The following PKHD1 variants were observed in gnomAD, a reference collection of about 807,000 sequenced individuals.
The protein encoded by PKHD1 is fibrocystin.
Under a neutral mutation model 412.0 loss-of-function variants are expected in PKHD1, and 291 were observed. The ratio of observed to expected loss-of-function variants is 0.71; its 90% confidence interval spans 0.64 to 0.78. The LOEUF is 0.78. Ranked by LOEUF, PKHD1 falls within the 30% of genes least tolerant of loss-of-function variation. The pLI is 0.00. For missense variants in PKHD1, 4,825 were observed against 4,950.7 expected (o/e 0.97, Z 0.76); for synonymous variants, 1,777 against 1,821.5 (o/e 0.98, Z 0.62).
intron 65 of PKHD1, among the ~76,000 whole-genome samples, chr6:51,630,598 C>T (rs1364706862): frequency 1.3e-5 from 2 of 152,054 alleles, no homozygotes; most frequent in Non-Finnish European, 2.9e-5. Context: ...AGATTCTCAA[C>T]AATTATTGAA....
At chr6:52,062,788 C>T in intron 13 of PKHD1, 128 bp from the exon 14 acceptor site, 1 of 1,074,098 alleles carries the variant, frequency 9.3e-7, no homozygotes, top group Admixed American at 1.8e-5. Flanking sequence ...AACCTAGAGC[C>T]AGATAGAGTA....
chr6:51,955,467 G>T (rs1034659835), intron 36 of PKHD1, among the ~76,000 whole-genome samples: 3 of 151,806 alleles, frequency 2.0e-5, no homozygotes, highest in Admixed American at 1.3e-4. Flanking sequence ...ATATGTGTAA[G>T]AAAAAAATGT....
intron 61 of PKHD1, among the ~76,000 whole-genome samples, chr6:51,652,052 T>C (rs1401105381): frequency 6.6e-6 from 1 of 152,170 alleles, no homozygotes. Flanking sequence ...AATTTCCAAC[T>C]GCTAATGTGA....
Position 51,881,482 on chromosome 6 carries a change from A to T in PKHD1, c.7350+1611T>A, listed in dbSNP as rs4715252. 4.8e-3 allele frequency among the ~76,000 whole-genome samples: 736 copies of T among 152,052 alleles called. 5 individuals carry two copies. Among genetic ancestry groups the T allele is most frequent in the Non-Finnish European group, 8.0e-3 (545 of 67,978 alleles). ...AAATAGAGGGTACGGTAAACAGCAC[A>T]GTATAAATATAATTATAACCAAATA... On this transcript the variant is annotated intron_variant, in intron 46 of 66. Transcript: ENST00000371117.
In PKHD1 at chr6:51,981,321, C is replaced by A. The variant is rs1008470971; in HGVS notation, c.5752-21295G>T. Among the ~76,000 whole-genome samples the A allele has an allele frequency of 5.8e-3, 94 of 16,276 alleles. 5 individuals carry two copies. Among genetic ancestry groups the A allele is most frequent in the African/African-American group, 0.015 (94 of 6,126 alleles). 10.7% of individuals were successfully genotyped at this position (16,276 alleles called of 152,430 possible). ...GCTCCAAAGCTCAAGCTCTCCCTCT[C>A]CCTCTCCCTCTCCCTCTCCCTCTCC... is the stretch of plus-strand genomic sequence containing the variant. On this transcript the variant is annotated intron_variant, in intron 35 of 66. Transcript: ENST00000371117.
At chr6:51,881,078 T>TC (rs1202668005) in intron 46 of PKHD1, among the ~76,000 whole-genome samples, 4 of 146,780 alleles carry the variant, frequency 2.7e-5, no homozygotes, top group Admixed American at 6.7e-5. Flanking sequence ...TTTCTTTCTT[T>TC]TTTTTTTTTT....
At chr6:51,829,653 C>T (rs1440727417) in intron 52 of PKHD1, among the ~76,000 whole-genome samples, 2 of 152,172 alleles carry the variant, frequency 1.3e-5, no homozygotes, top group African/African-American at 2.4e-5. Context: ...TCAGCCCACT[C>T]ACACCTGTCC....
intron 52 of PKHD1, among the ~76,000 whole-genome samples, chr6:51,808,512 TCACA>T (rs57879150): frequency 6.6e-6 from 1 of 151,160 alleles, no homozygotes; most frequent in Non-Finnish European, 1.5e-5. Context: ...AAAGAATCTC[TCACA>T]CACACACACA....
intron 33 of PKHD1, among the ~76,000 whole-genome samples, chr6:52,021,129 A>G (rs569395532): frequency 6.6e-6 from 1 of 152,214 alleles, no homozygotes; most frequent in Non-Finnish European, 1.5e-5. Flanking sequence ...CTCTAGAGTA[A>G]ATGTGTGCCT....
intron 43 of PKHD1, among the ~76,000 whole-genome samples, chr6:51,892,618 T>G (rs943719723): frequency 2.0e-5 from 3 of 152,172 alleles, no homozygotes; most frequent in African/African-American, 7.2e-5. Flanking sequence ...TAACCCACAC[T>G]CATTTTCCAG....
At chr6:51,922,883 C>A (rs9370081) in intron 37 of PKHD1, among the ~76,000 whole-genome samples, 56,676 of 151,952 alleles carry the variant, frequency 0.37, 11,433 homozygotes, top group East Asian at 0.75. Context: ...ATTCCACAAC[C>A]CCCTGCACTT....
At position 51,754,905 on chromosome 6, in the gene PKHD1, G is replaced by T; in HGVS notation, c.8676C>A (p.Pro2892=). The change falls in exon 56 of 67, where the codon CCC becomes CCA. Residue 2892 remains proline (P), a synonymous_variant. Coordinates refer to ENST00000371117, the MANE Select transcript of PKHD1 (RefSeq NM_138694.4). The part of the protein sequence containing the change: ...IIVEDAVDWR[P]HDKIVLSSSS... ...AGGAGCTAAGGACTATTTTGTCATGGGGGCGCCAATCCACTGCATCTTCTA... is the reference window on the plus strand; with the variant it reads ...AGGAGCTAAGGACTATTTTGTCATGTGGGCGCCAATCCACTGCATCTTCTA... 1 of 1,613,544 alleles carries T rather than the reference G, an allele frequency of 6.2e-7. No homozygotes were observed. The highest frequency in any genetic ancestry group is 1.1e-5 in the South Asian group (1 of 91,064).
intron 60 of PKHD1, chr6:51,721,876 A>T: frequency 6.3e-7 from 1 of 1,577,918 alleles, no homozygotes; most frequent in Non-Finnish European, 8.6e-7. Flanking sequence ...AACAATTGAA[A>T]CAGTGTCTTA....
chr6:51,906,126 A>AT, intron 41 of PKHD1, 89 bp downstream of exon 41: 1 of 1,085,226 alleles, frequency 9.2e-7, no homozygotes, highest in Non-Finnish European at 1.4e-6. Context: ...ATTTTTATAA[A>AT]TTAGGAATTA....
intron 36 of PKHD1, among the ~76,000 whole-genome samples, chr6:51,946,321 A>G (rs1209035402): frequency 1.3e-5 from 2 of 152,222 alleles, no homozygotes; most frequent in Non-Finnish European, 2.9e-5. Flanking sequence ...GGCAAATATA[A>G]GAAAATCTAG....
chr6:52,059,264 T>C (rs12200557), intron 15 of PKHD1, among the ~76,000 whole-genome samples: 71 of 130,714 alleles, frequency 5.4e-4, no homozygotes, highest in Middle Eastern at 3.7e-3. Context: ...TTTTTCTTTT[T>C]TTTTTTTTTT....
intron 37 of PKHD1, among the ~76,000 whole-genome samples, chr6:51,931,246 T>C (rs1014029202): frequency 6.6e-5 from 10 of 152,182 alleles, no homozygotes; most frequent in African/African-American, 2.2e-4. Context: ...CAAAAGGCTC[T>C]TCTGTGCGCC....
chr6:51,637,009 T>C (rs1768665176), intron 64 of PKHD1, among the ~76,000 whole-genome samples: 1 of 152,170 alleles, frequency 6.6e-6, no homozygotes, highest in Non-Finnish European at 1.5e-5. Flanking sequence ...AGGCTGTAAG[T>C]AGAAACTACA....
In PKHD1 at chr6:51,659,751, A is replaced by G; in HGVS notation, c.10375T>C (p.Phe3459Leu). 6.2e-7 allele frequency: 1 copy of G among 1,613,694 alleles called. No individual in the cohort carries two copies. Among genetic ancestry groups the G allele is most frequent in the South Asian group, 1.1e-5 (1 of 91,074 alleles). ...TGCCTGATGGGTAAGATAGAATAGA[A>G]AGTAGACACTGACCCAGAAGTAGAG... ...PCSTSGSVST[F>L]YSILPIRQIT... is the part of the protein sequence containing the mutation. Residue 3459 changes from phenylalanine (F) to leucine (L), a missense_variant, in exon 61 of 67, where the codon TTC (phenylalanine) becomes CTC (leucine). Phe to Leu is a conservative substitution (Grantham distance 22). Coordinates refer to ENST00000371117, the MANE Select transcript of PKHD1 (RefSeq NM_138694.4).
Sources: allele counts gnomAD v4.1 joint callset (sites outside exome capture counted in the v4.1 genomes callset), GRCh38; gene constraint gnomAD v4.1.1; transcripts MANE v1.5; gene names NCBI Gene and HGNC (gene_info 2026-07-23, HGNC 2026-07-21).